The following PPP1R13B variants were observed in gnomAD, a reference collection of about 807,000 sequenced individuals.
PPP1R13B encodes the protein protein phosphatase 1 regulatory subunit 13B.
A neutral mutation model predicts 119.8 loss-of-function variants in PPP1R13B; 44 were observed. The observed-to-expected ratio is 0.37, with a 90% confidence interval of 0.29 to 0.47. The LOEUF (loss-of-function observed/expected upper bound fraction) is 0.47, where lower values mean the gene tolerates loss of function less well. Ranked by LOEUF, PPP1R13B falls within the 20% of genes least tolerant of loss-of-function variation. The pLI, the probability that PPP1R13B is intolerant of heterozygous loss-of-function variation, is 0.99. For synonymous variants in PPP1R13B, 542 were observed against 561.5 expected (o/e 0.97, Z 0.49); for missense variants, 1,227 against 1,413.5 (o/e 0.87, Z 2.12).
At chr14:103,799,059 T>A (rs1415351102) in intron 1 of PPP1R13B, among the ~76,000 whole-genome samples, 1 of 152,122 alleles carries the variant, frequency 6.6e-6, no homozygotes, top group Non-Finnish European at 1.5e-5. Flanking sequence ...GAATGCAATG[T>A]CGCGATCTTG....
chr14:103,815,467 C>T (rs901537095), intron 1 of PPP1R13B, among the ~76,000 whole-genome samples: 2 of 152,098 alleles, frequency 1.3e-5, no homozygotes, highest in African/African-American at 4.8e-5. Context: ...TTAAAAAACA[C>T]AAACACAGGC....
intron 4 of PPP1R13B, among the ~76,000 whole-genome samples, chr14:103,766,677 A>G (rs12588489): frequency 0.45 from 67,772 of 151,902 alleles, 15,614 homozygotes; most frequent in African/African-American, 0.56. Context: ...GCGCTATCTC[A>G]GCTCACTGCA....
Position 103,738,869 on chromosome 14 carries a change from C to T in PPP1R13B, c.2730+17G>A, listed in dbSNP as rs751375216. The T allele has an allele frequency of 6.2e-6, 10 of 1,612,872 alleles. No homozygotes were observed. In the Admixed American group the frequency reaches 1.2e-4, roughly 19 times the overall value. On this transcript the variant is annotated intron_variant, in intron 13 of 16. Transcript: ENST00000202556. This position sits in a 1 kb window ranked among gnomAD's most constrained non-coding sequence, Gnocchi z 5.6. ...CTCGCCCCCAGCAGCGTGCACTGGT[C>T]CCCGGCTGCAGCTCACCTCATAGAT...
Position 103,742,732 on chromosome 14 carries a change from G to T in PPP1R13B, c.1242C>A (p.Ser414Arg). Residue 414 changes from serine (S) to arginine (R), a missense_variant, in exon 10 of 17, where the codon AGC (serine) becomes AGA (arginine). Coordinates refer to ENST00000202556, the MANE Select transcript of PPP1R13B (RefSeq NM_015316.3). This position sits in a 1 kb window ranked among gnomAD's most constrained non-coding sequence, Gnocchi z 4.9. ...QVAGADWKDP[S>R]VEGSVKQGTV... ...TGCCCTGCTTGACAGACCCCTCCAC[G>T]CTCGGATCCTTCCAGTCTGCACCGG... 6.2e-7 allele frequency: 1 copy of T among 1,614,098 alleles called. No individual in the cohort carries two copies. The highest frequency in any genetic ancestry group is 2.2e-5 in the East Asian group (1 of 44,890).
intron 4 of PPP1R13B, chr14:103,763,008 CA>C: frequency 6.9e-7 from 1 of 1,449,134 alleles, no homozygotes; most frequent in Non-Finnish European, 9.6e-7. Flanking sequence ...CAAAATTCTT[CA>C]AGGTTTAGTG....
chr14:103,742,556 T>C lies in PPP1R13B; in HGVS notation c.1320+98A>G. 1 of 1,464,830 alleles carries C rather than the reference T, an allele frequency of 6.8e-7. No homozygotes were observed. The highest frequency in any genetic ancestry group is 9.2e-7 in the Non-Finnish European group (1 of 1,090,528). 90.7% of individuals were successfully genotyped at this position (1,464,830 alleles called of 1,614,324 possible). A position where few individuals can be genotyped will look rare whatever the true frequency, so the allele number is the denominator to read the frequency against. On this transcript the variant is annotated intron_variant, in intron 10 of 16. Coordinates refer to ENST00000202556, the MANE Select transcript of PPP1R13B (RefSeq NM_015316.3). This position sits in a 1 kb window ranked among gnomAD's most constrained non-coding sequence, Gnocchi z 4.9. The stretch of plus-strand genomic sequence containing the variant: ...TGTCTGGACAATAACAGGATTAACT[T>C]GCCTCCTGACAAGTCATACCCTTTA...
rs1217524472 is a variant in PPP1R13B, at chr14:103,738,933, C to T, written c.2683G>A (p.Ala895Thr). 1.4e-5 allele frequency: 22 copies of T among 1,613,994 alleles called. No homozygotes were observed. Among genetic ancestry groups the T allele is most frequent in the African/African-American group, 2.7e-5 (2 of 74,936 alleles). Reference protein sequence around the residue: ...RFNPLALLLDASLEGEFDLVQ... With the variant: ...RFNPLALLLDTSLEGEFDLVQ... ...AGATCGAACTCTCCTTCCAGAGACG[C>T]GTCTAGGAGCAGTGCCAGGGGGTTA... The change falls in exon 13 of 17, where the codon GCG becomes ACG. Residue 895 changes from alanine to threonine, a missense_variant. Coordinates refer to ENST00000202556, the MANE Select transcript of PPP1R13B (RefSeq NM_015316.3). This position sits in a 1 kb window ranked among gnomAD's most constrained non-coding sequence, Gnocchi z 5.6.
Position 103,742,502 on chromosome 14 carries a change from G to T in PPP1R13B, c.1320+152C>A. ...CTCGTGGGCTGCTCAGGCTCTTAGG[G>T]CCCAGTAACCCTCTAGGACTTTGGG... is the stretch of plus-strand genomic sequence containing the variant. On this transcript the variant is annotated intron_variant, in intron 10 of 16. Coordinates refer to ENST00000202556, the MANE Select transcript of PPP1R13B (RefSeq NM_015316.3). This position sits in a 1 kb window ranked among gnomAD's most constrained non-coding sequence, Gnocchi z 4.9. 1 of 1,267,220 alleles carries T rather than the reference G, an allele frequency of 7.9e-7. No individual in the cohort carries two copies. Among genetic ancestry groups the T allele is most frequent in the Non-Finnish European group, 1.1e-6 (1 of 929,130 alleles). The allele number at this position is 1,267,220 out of a possible 1,614,324, so 78.5% of individuals were successfully genotyped here.
At chr14:103,817,348 G>C (rs1392287322) in intron 1 of PPP1R13B, among the ~76,000 whole-genome samples, 1 of 151,672 alleles carries the variant, frequency 6.6e-6, no homozygotes, top group African/African-American at 2.4e-5. Flanking sequence ...CTGTAACCAA[G>C]ATCTAGAAAT....
intron 4 of PPP1R13B, among the ~76,000 whole-genome samples, chr14:103,773,146 C>T (rs1278612489): frequency 6.6e-6 from 1 of 152,030 alleles, no homozygotes; most frequent in African/African-American, 2.4e-5. Context: ...TAGACAGACA[C>T]AGCTGAAGAC....
At chr14:103,737,454 T>C in intron 15 of PPP1R13B, 1 of 423,284 alleles carries the variant, frequency 2.4e-6, no homozygotes, top group South Asian at 4.7e-5. Flanking sequence ...GACAAGCCTG[T>C]AGTCCCAGCT....
chr14:103,815,141 G>A (rs950012497), intron 1 of PPP1R13B, among the ~76,000 whole-genome samples: 3 of 152,128 alleles, frequency 2.0e-5, no homozygotes, highest in Admixed American at 1.3e-4. Context: ...CATGGATGAA[G>A]CTTGGAAACA....
intron 3 of PPP1R13B, among the ~76,000 whole-genome samples, chr14:103,780,002 A>G (rs2085300525): frequency 6.6e-6 from 1 of 151,914 alleles, no homozygotes; most frequent in East Asian, 1.9e-4. Flanking sequence ...TACAAAAATT[A>G]CCCAGGCGTG....
In PPP1R13B at chr14:103,810,963, G is replaced by A. The variant is rs187091621; in HGVS notation, c.10-13445C>T. ...AAAAATTAGCCGGGCATGGCAGTGC[G>A]TGCCTGTAATTCCACCTAACTCAGG... is the stretch of plus-strand genomic sequence containing the variant. On this transcript the variant is annotated intron_variant, in intron 1 of 16. Coordinates refer to ENST00000202556, the MANE Select transcript of PPP1R13B (RefSeq NM_015316.3). Among the ~76,000 whole-genome samples the A allele has an allele frequency of 2.0e-5, 3 of 150,894 alleles. No homozygotes were observed. In the East Asian group the frequency reaches 5.8e-4, roughly 29 times the overall value.
rs1313225268 is a variant in PPP1R13B, at chr14:103,738,258, A to C, written c.2865-398T>G. ...AAAATAACCCCCACAGGAGACCAAC[A>C]CGCCTCGCCCAGCAGCAGAGCTCCC... On this transcript the variant is annotated intron_variant, in intron 14 of 16. Coordinates refer to ENST00000202556, the MANE Select transcript of PPP1R13B (RefSeq NM_015316.3). This position sits in a 1 kb window ranked among gnomAD's most constrained non-coding sequence, Gnocchi z 5.6. The C allele has an allele frequency of 3.5e-6, 1 of 281,782 alleles. No individual in the cohort carries two copies. The highest frequency in any genetic ancestry group is 6.7e-6 in the Non-Finnish European group (1 of 149,172). 17.5% of individuals were successfully genotyped at this position (281,782 alleles called of 1,614,324 possible). A position where few individuals can be genotyped will look rare whatever the true frequency, so the allele number is the denominator to read the frequency against.
At chr14:103,798,819 A>G (rs1477926783) in intron 1 of PPP1R13B, among the ~76,000 whole-genome samples, 3 of 151,436 alleles carry the variant, frequency 2.0e-5, no homozygotes, top group Admixed American at 1.3e-4. Context: ...CCTCCCAAGT[A>G]GCTGGGACTA....
At chr14:103,761,218 G>A (rs910269488) in intron 4 of PPP1R13B, among the ~76,000 whole-genome samples, 1 of 145,580 alleles carries the variant, frequency 6.9e-6, no homozygotes, top group Non-Finnish European at 1.5e-5. Flanking sequence ...AGAATGCAGT[G>A]AGCTGTGACT....
At position 103,754,120 on chromosome 14, in the gene PPP1R13B, C is replaced by T. The variant is rs2084617574; in HGVS notation, c.581G>A (p.Arg194His). Residue 194 changes from arginine to histidine, a missense_variant, in exon 6 of 17, where the codon CGT (arginine) becomes CAT (histidine). Arg to His is a conservative substitution (Grantham distance 29, BLOSUM62 0). Transcript: ENST00000202556. Reference sequence around the variant, plus strand: ...GTAGTCGACTTGTCCTCTCATTGCACGAATTTTCTTCAGCTTGTTCTCCTG... The same window carrying T: ...GTAGTCGACTTGTCCTCTCATTGCATGAATTTTCTTCAGCTTGTTCTCCTG... The part of the protein sequence containing the change: ...EAQENKLKKI[R>H]AMRGQVDYSK... The T allele has an allele frequency of 2.5e-6, 4 of 1,613,986 alleles. No individual in the cohort carries two copies. Among genetic ancestry groups the T allele is most frequent in the Non-Finnish European group, 3.4e-6 (4 of 1,180,010 alleles).
chr14:103,847,414 GCT>G lies in PPP1R13B; in HGVS notation c.-109_-108del, dbSNP rs1228001455. 2 of 1,032,686 alleles carry G rather than the reference GCT, an allele frequency of 1.9e-6. No individual in the cohort carries two copies. The highest frequency in any genetic ancestry group is 3.5e-5 in the African/African-American group (2 of 57,614). 64.0% of individuals were successfully genotyped at this position (1,032,686 alleles called of 1,614,324 possible). Reference sequence around the variant, plus strand: ...CCTAAGGCCGCGCTCCCGCCGCCGTGCTCTCCGGCCCGGCCGCGGCGAGGCGG... The same window carrying G: ...CCTAAGGCCGCGCTCCCGCCGCCGTGCTCCGGCCCGGCCGCGGCGAGGCGG... On this transcript the variant is annotated 5_prime_UTR_variant, in exon 1 of 17. Coordinates refer to ENST00000202556, the MANE Select transcript of PPP1R13B (RefSeq NM_015316.3).
Sources: gnomAD v4.1 joint callset for allele counts (sites outside exome capture counted in the v4.1 genomes callset) on GRCh38, gnomAD v4.1.1 for gene constraint, Gnocchi (gnomAD v3.1) non-coding constraint, MANE v1.5 for transcripts, NCBI Gene and HGNC (gene_info 2026-07-23, HGNC 2026-07-21) for gene names.